The following DMD variants were observed in gnomAD, a reference collection of about 807,000 sequenced individuals.
DMD encodes the protein dystrophin.
A neutral mutation model predicts 330.1 loss-of-function variants in DMD; 63 were observed. The observed-to-expected ratio is 0.19, with a 90% CI of 0.16 to 0.24. The LOEUF (loss-of-function observed/expected upper bound fraction) is 0.24, where lower values mean the gene tolerates loss of function less well. Among genes scored for constraint, DMD ranks in the 10% least tolerant of loss-of-function variants. The probability of loss-of-function intolerance (pLI) is 1.00; values close to 1 mark genes in which losing one functional copy is unlikely to be tolerated. For missense variants in DMD, 3,344 were observed against 2,684.1 expected (o/e 1.25, Z -5.43); for synonymous variants, 1,223 against 959.8 (o/e 1.27, Z -5.07).
chrX:32,952,284 C>G (rs1396080348), intron 2 of DMD, among the ~76,000 whole-genome samples: 2 of 110,521 alleles, frequency 1.8e-5, no homozygotes, highest in African/African-American at 6.6e-5. Context: ...CAAGCATGTA[C>G]CACTGCACCC....
At chrX:31,680,937 T>C (rs2082346672) in intron 52 of DMD, among the ~76,000 whole-genome samples, 1 of 111,998 alleles carries the variant, frequency 8.9e-6, no homozygotes, top group South Asian at 3.8e-4. Context: ...CCCTTAAGCA[T>C]GAAACCTGAT....
chrX:31,387,575 T>G (rs748434382), intron 60 of DMD, among the ~76,000 whole-genome samples: 1 of 111,298 alleles, frequency 9.0e-6, no homozygotes, highest in African/African-American at 3.3e-5. Flanking sequence ...AAGTTTTGTA[T>G]TTTTAGTAGA....
rs779990745 is a variant in DMD at position 31,154,213 on chromosome X, G to C, written c.10554-6695C>G. 1.6e-4 allele frequency among the ~76,000 whole-genome samples: 18 copies of C among 111,902 alleles called. No homozygotes were observed. The South Asian group carries it at 6.8e-3, about 42-fold the overall frequency. ...TTAGTTTTGATGCAGTATTAACGTA[G>C]GGGAGATCATTCTCATAAATGATCA... On this transcript the variant is annotated intron_variant, in intron 74 of 78. Coordinates refer to ENST00000357033, the MANE Select transcript of DMD (RefSeq NM_004006.3).
intron 2 of DMD, among the ~76,000 whole-genome samples, chrX:32,878,207 C>G (rs2083535013): frequency 9.0e-6 from 1 of 110,992 alleles, no homozygotes; most frequent in African/African-American, 3.3e-5. Flanking sequence ...AACCCCATCT[C>G]TCTCTAATAA....
intron 62 of DMD, among the ~76,000 whole-genome samples, chrX:31,266,433 G>T (rs1320922538): frequency 8.9e-6 from 1 of 112,467 alleles, no homozygotes; most frequent in Non-Finnish European, 1.9e-5. Flanking sequence ...GACGATTTAG[G>T]AACAGCCAGC....
chrX:32,231,812 G>A (rs1407489628), intron 43 of DMD, among the ~76,000 whole-genome samples: 2 of 110,942 alleles, frequency 1.8e-5, no homozygotes, highest in Admixed American at 1.9e-4. Flanking sequence ...TGTTTACTAA[G>A]TTTTACTTTA....
chrX:31,963,829 A>G (rs1230152398), intron 45 of DMD, among the ~76,000 whole-genome samples: 1 of 103,540 alleles, frequency 9.7e-6, no homozygotes, highest in Non-Finnish European at 2.0e-5. Context: ...GCCAGCTGGT[A>G]AATGTTAAGA....
chrX:32,031,630 A>T (rs988781910), intron 44 of DMD, among the ~76,000 whole-genome samples: 1 of 112,339 alleles, frequency 8.9e-6, no homozygotes, highest in African/African-American at 3.2e-5. Context: ...AGGCAAAAGA[A>T]GAAATACTCT....
chrX:33,239,673 G>C lies in DMD; in HGVS notation c.7+99586C>G, dbSNP rs1353335353. On this transcript the variant is annotated intron_variant, in intron 1 of 17. Transcript: ENST00000288447. ...TGTATTTATTGTGTTCAACATGATG[G>C]TTTGAAGTACATATACATTGTGATA... 5.4e-5 allele frequency among the ~76,000 whole-genome samples: 6 copies of C among 111,550 alleles called. No individual in the cohort carries two copies. In the Admixed American group the frequency reaches 5.7e-4, roughly 11 times the overall value.
intron 60 of DMD, among the ~76,000 whole-genome samples, chrX:31,425,985 C>T (rs895761060): frequency 9.0e-6 from 1 of 111,465 alleles, no homozygotes; most frequent in African/African-American, 3.3e-5. Flanking sequence ...TGGCAACCTA[C>T]TAGAAATGTA....
intron 1 of DMD, among the ~76,000 whole-genome samples, chrX:33,198,278 T>C (rs1038152489): frequency 9.0e-6 from 1 of 111,273 alleles, no homozygotes; most frequent in Non-Finnish European, 1.9e-5. Flanking sequence ...ACTAGATTAT[T>C]TGTGGTTTTA....
intron 1 of DMD, among the ~76,000 whole-genome samples, chrX:33,203,658 C>T (rs1173920081): frequency 9.3e-6 from 1 of 107,899 alleles, no homozygotes; most frequent in Admixed American, 1.0e-4. Flanking sequence ...CTAGATGTGT[C>T]TTCTCTGATT....
intron 1 of DMD, among the ~76,000 whole-genome samples, chrX:33,153,846 G>GA (rs2048383115): frequency 8.9e-6 from 1 of 111,798 alleles, no homozygotes; most frequent in Non-Finnish European, 1.9e-5. Context: ...TTTAATAGAT[G>GA]AAAAACAACT....
intron 42 of DMD, among the ~76,000 whole-genome samples, chrX:32,304,951 C>T: frequency 9.0e-6 from 1 of 111,517 alleles, no homozygotes; most frequent in East Asian, 2.8e-4. Flanking sequence ...ACAAATTTTG[C>T]TTTGAAATTT....
At chrX:32,586,300 C>A in intron 13 of DMD, among the ~76,000 whole-genome samples, 1 of 109,156 alleles carries the variant, frequency 9.2e-6, no homozygotes, top group Admixed American at 9.8e-5. Flanking sequence ...CTAATGCAAT[C>A]GAGTGTGACA....
At chrX:32,222,798 G>T (rs2097136141) in intron 43 of DMD, among the ~76,000 whole-genome samples, 2 of 111,852 alleles carry the variant, frequency 1.8e-5, no homozygotes, top group African/African-American at 6.5e-5. Flanking sequence ...TTAATTTCAG[G>T]ACTTAAAGTA....
At chrX:32,703,892 C>A (rs1286131819) in intron 7 of DMD, among the ~76,000 whole-genome samples, 2 of 111,401 alleles carry the variant, frequency 1.8e-5, no homozygotes, top group African/African-American at 6.5e-5. Context: ...GCTGAATCCC[C>A]AAAGTAAGAA....
rs186883698 is a variant in DMD, at chrX:33,194,055, T to C, written c.31+17227A>G. Among the ~76,000 whole-genome samples the C allele has an allele frequency of 5.0e-3, 553 of 111,044 alleles. 2 individuals carry two copies. The highest frequency in any genetic ancestry group is 7.5e-3 in the Non-Finnish European group (397 of 53,004). On this transcript the variant is annotated intron_variant, in intron 1 of 78. Transcript: ENST00000357033. ...AAATAATATAGACTCAGTTACCTCA[T>C]CTGACAAGTGAGAATGGTAATATAT...
At chrX:33,173,261 CTG>C (rs1258969836) in intron 1 of DMD, among the ~76,000 whole-genome samples, 1 of 111,240 alleles carries the variant, frequency 9.0e-6, no homozygotes. Context: ...AGTATAGATT[CTG>C]TGTTTACATT....
Sources: gnomAD v4.1 joint callset for allele counts (sites outside exome capture counted in the v4.1 genomes callset) on GRCh38, gnomAD v4.1.1 for gene constraint, MANE v1.5 for transcripts, NCBI Gene and HGNC (gene_info 2026-07-23, HGNC 2026-07-21) for gene names.